Variants in CDIN1 observed in about 807,000 individuals in gnomAD.
CDIN1 encodes the protein CDAN1-interacting nuclease 1.
CDIN1 carries 33 observed loss-of-function variants against 45.3 expected under a neutral mutation model. The observed-to-expected ratio is 0.73, with a 90% CI of 0.55 to 0.97. The LOEUF (loss-of-function observed/expected upper bound fraction) is 0.97. CDIN1 is among the 50% of genes least tolerant of loss of function. The pLI is 0.00. For synonymous variants in CDIN1, 118 were observed against 124.4 expected (o/e 0.95, Z 0.34); for missense variants, 303 against 339.4 (o/e 0.89, Z 0.84).
chr15:36,727,808 T>A (rs546405174), intron 10 of CDIN1, among the ~76,000 whole-genome samples: 64 of 152,308 alleles, frequency 4.2e-4, no homozygotes, highest in African/African-American at 1.3e-3. Context: ...CTGTGAGAAG[T>A]AGGTATATAT....
At chr15:36,792,468 A>T (rs890660064) in intron 10 of CDIN1, among the ~76,000 whole-genome samples, 6 of 152,112 alleles carry the variant, frequency 3.9e-5, no homozygotes, top group African/African-American at 1.4e-4. Context: ...AATCGGGGGA[A>T]CCCTGTGGAG....
intron 8 of CDIN1, 192 bp from the exon 9 acceptor site, chr15:36,709,031 A>G (rs1293817576): frequency 4.8e-6 from 2 of 413,940 alleles, no homozygotes; most frequent in Non-Finnish European, 8.5e-6. Context: ...TGAAAGAAGC[A>G]TATCTGAAGC....
At chr15:36,620,894 C>A (rs1253418211) in intron 1 of CDIN1, among the ~76,000 whole-genome samples, 2 of 151,984 alleles carry the variant, frequency 1.3e-5, no homozygotes, top group African/African-American at 4.8e-5. Context: ...GTTTGGAATT[C>A]ACTGAAACAG....
intron 5 of CDIN1, among the ~76,000 whole-genome samples, chr15:36,682,489 T>C (rs1475601137): frequency 1.3e-5 from 2 of 151,812 alleles, no homozygotes; most frequent in African/African-American, 4.8e-5. Context: ...AAAATGATGT[T>C]TGGGCTGGGC....
Position 36,735,660 on chromosome 15 carries a change from A to G in CDIN1, c.716+25699A>G, listed in dbSNP as rs556553842. ...GTTGATCTTTGCATTATTCATACACATTATTTCTAATTGGTAGACTGTAAG... is the reference window on the plus strand; with the variant it reads ...GTTGATCTTTGCATTATTCATACACGTTATTTCTAATTGGTAGACTGTAAG... On this transcript the variant is annotated intron_variant, in intron 10 of 10. Transcript: ENST00000566621. Among the ~76,000 whole-genome samples the G allele has an allele frequency of 4.7e-4, 71 of 149,704 alleles. 1 individual carries two copies. Among genetic ancestry groups the G allele is most frequent in the South Asian group, 1.1e-3 (5 of 4,652 alleles).
intron 9 of CDIN1, 67 bp downstream of exon 9, chr15:36,709,355 T>C: frequency 8.3e-7 from 1 of 1,204,952 alleles, no homozygotes. Flanking sequence ...AATTTTTTTA[T>C]GTTAATATTA....
intron 10 of CDIN1, among the ~76,000 whole-genome samples, chr15:36,726,893 T>C (rs1255946296): frequency 1.3e-5 from 2 of 152,174 alleles, no homozygotes; most frequent in Non-Finnish European, 2.9e-5. Flanking sequence ...TATACATATC[T>C]TTCCTCTAAA....
At chr15:36,666,912 A>G (rs73381746) in intron 5 of CDIN1, among the ~76,000 whole-genome samples, 1,748 of 152,286 alleles carry the variant, frequency 0.011, 28 homozygotes, top group African/African-American at 0.04. Flanking sequence ...ACCTACTTGG[A>G]TATTTATTCC....
chr15:36,595,898 A>G (rs1360679960), intron 1 of CDIN1, among the ~76,000 whole-genome samples: 5 of 152,244 alleles, frequency 3.3e-5, no homozygotes, highest in Non-Finnish European at 5.9e-5. Context: ...ACGGCATATC[A>G]TCAGTAACTG....
intron 10 of CDIN1, among the ~76,000 whole-genome samples, chr15:36,788,098 ATATATATATTTTTTTTTTTT>A (rs1188032770): frequency 5.9e-5 from 2 of 34,064 alleles, no homozygotes; most frequent in African/African-American, 2.2e-4. Flanking sequence ...ATATATATAT[ATATATATATTTTTTTTTTTT>A]TTTTTTTTTT....
At position 36,725,520 on chromosome 15, in the gene CDIN1, A is replaced by G. The variant is rs192922227; in HGVS notation, c.716+15559A>G. ...TAGTCTATCTTTTTGATAGAAACCA[A>G]TTTATTGGAATTCAGAAGTTTGAGG... On this transcript the variant is annotated intron_variant, in intron 10 of 10. Coordinates refer to ENST00000566621, the MANE Select transcript of CDIN1 (RefSeq NM_001321759.2). Among the ~76,000 whole-genome samples the G allele has an allele frequency of 2.0e-5, 3 of 152,256 alleles. No individual in the cohort carries two copies. In the East Asian group the frequency reaches 5.8e-4, roughly 29 times the overall value.
chr15:36,808,741 G>C lies in CDIN1; in HGVS notation c.*288G>C. The C allele has an allele frequency of 2.2e-6, 1 of 454,590 alleles. No homozygotes were observed. Among genetic ancestry groups the C allele is most frequent in the Non-Finnish European group, 4.1e-6 (1 of 242,880 alleles). The allele number at this position is 454,590 out of a possible 1,614,324, so 28.2% of individuals were successfully genotyped here. ...GATAGTCATAATCTTTCTTTCTTCCGGATGGTTTATCCTTGTATGCTGAAC... is the reference window on the plus strand; with the variant it reads ...GATAGTCATAATCTTTCTTTCTTCCCGATGGTTTATCCTTGTATGCTGAAC... On this transcript the variant is annotated 3_prime_UTR_variant, in exon 11 of 11. Transcript: ENST00000566621.
In CDIN1 at chr15:36,644,168, A is replaced by C. The variant is rs958280449; in HGVS notation, c.102-110A>C. ...GAACAACTTTTCCACACTTGTTTTC[A>C]TGTTCTGTTAGATTACAGGGCAGCA... On this transcript the variant is annotated intron_variant, in intron 1 of 10. Coordinates refer to ENST00000566621, the MANE Select transcript of CDIN1 (RefSeq NM_001321759.2). 4.2e-5 allele frequency: 42 copies of C among 1,002,954 alleles called. 1 individual carries two copies. In the South Asian group the frequency reaches 5.6e-4, roughly 13 times the overall value. The allele number at this position is 1,002,954 out of a possible 1,614,324, so 62.1% of individuals were successfully genotyped here. A position where few individuals can be genotyped will look rare whatever the true frequency, so the allele number is the denominator to read the frequency against.
chr15:36,696,067 C>CTA (rs1478875292), intron 7 of CDIN1, among the ~76,000 whole-genome samples: 5 of 152,128 alleles, frequency 3.3e-5, no homozygotes, highest in Non-Finnish European at 7.3e-5. Context: ...CACTCATTAA[C>CTA]TGTATGCCCT....
At chr15:36,752,031 T>C (rs1262120325) in intron 10 of CDIN1, among the ~76,000 whole-genome samples, 1 of 152,026 alleles carries the variant, frequency 6.6e-6, no homozygotes, top group Non-Finnish European at 1.5e-5. Context: ...TCAGGAAGAA[T>C]AGCTAATGGA....
At chr15:36,698,506 A>G (rs1228445982) in intron 8 of CDIN1, among the ~76,000 whole-genome samples, 2 of 152,190 alleles carry the variant, frequency 1.3e-5, no homozygotes, top group African/African-American at 4.8e-5. Flanking sequence ...GTAAGTTGGA[A>G]GAAATCACCT....
chr15:36,743,348 G>A (rs765263088), intron 10 of CDIN1, among the ~76,000 whole-genome samples: 8 of 152,104 alleles, frequency 5.3e-5, no homozygotes, highest in African/African-American at 9.7e-5. Context: ...ATAGAGTAGG[G>A]TGCTTAGCCT....
chr15:36,808,669 C>T lies in CDIN1; in HGVS notation c.*216C>T. 1 of 597,258 alleles carries T rather than the reference C, an allele frequency of 1.7e-6. No homozygotes were observed. Among genetic ancestry groups the T allele is most frequent in the Non-Finnish European group, 2.9e-6 (1 of 340,712 alleles). 37.0% of individuals were successfully genotyped at this position (597,258 alleles called of 1,614,324 possible). On this transcript the variant is annotated 3_prime_UTR_variant, in exon 11 of 11. Coordinates refer to ENST00000566621, the MANE Select transcript of CDIN1 (RefSeq NM_001321759.2). ...GAACAGCCAAGAACTACAGACACAA[C>T]CCACTCATTATCAGCATTTCTGTCT...
At chr15:36,637,806 A>C (rs2039960970) in intron 1 of CDIN1, among the ~76,000 whole-genome samples, 1 of 152,212 alleles carries the variant, frequency 6.6e-6, no homozygotes, top group South Asian at 2.1e-4. Flanking sequence ...TGGTGAGTGA[A>C]AGAAGCCAGA....
Sources: gnomAD v4.1 joint callset for allele counts (sites outside exome capture counted in the v4.1 genomes callset) on GRCh38, gnomAD v4.1.1 for gene constraint, MANE v1.5 for transcripts, NCBI Gene and HGNC (gene_info 2026-07-23, HGNC 2026-07-21) for gene names.